Variants in PATJ observed in about 807,000 individuals in gnomAD.
PATJ encodes inaD-like protein.
In PATJ, 190 loss-of-function variants were observed where a neutral mutation model predicts 224.9. That is an observed-to-expected ratio of 0.84 (90% confidence interval 0.75 to 0.95). PATJ has a LOEUF of 0.95. PATJ is among the 40% of genes least tolerant of loss of function. The pLI, the probability that PATJ is intolerant of heterozygous loss-of-function variation, is 0.00. For missense variants in PATJ, 2,121 were observed against 2,270.3 expected (o/e 0.93, Z 1.34); for synonymous variants, 769 against 820.3 (o/e 0.94, Z 1.07).
intron 41 of PATJ, among the ~76,000 whole-genome samples, chr1:62,145,454 G>T (rs1017796399): frequency 6.6e-6 from 1 of 152,120 alleles, no homozygotes; most frequent in Admixed American, 6.5e-5. Context: ...TTGAGCCCAG[G>T]AGTTTAAGAC....
chr1:62,009,527 G>A (rs1646301267), intron 28 of PATJ, among the ~76,000 whole-genome samples: 1 of 152,180 alleles, frequency 6.6e-6, no homozygotes, highest in Non-Finnish European at 1.5e-5. Flanking sequence ...GTTGCTGACT[G>A]ATCAGGGTGG....
At chr1:62,149,917 TGAG>T (rs1339090824) in intron 42 of PATJ, among the ~76,000 whole-genome samples, 2 of 152,136 alleles carry the variant, frequency 1.3e-5, no homozygotes, top group African/African-American at 4.8e-5. Flanking sequence ...TGTTGCCAGT[TGAG>T]GAGTAGAGCC....
intron 22 of PATJ, 38 bp from the exon 23 acceptor site, chr1:61,899,545 C>T (rs1412622): frequency 0.66 from 963,999 of 1,455,662 alleles, 323,719 homozygotes; most frequent in Non-Finnish European, 0.69. Flanking sequence ...TGAGTATGCC[C>T]TAAAATTGTG....
intron 41 of PATJ, among the ~76,000 whole-genome samples, chr1:62,147,430 C>T (rs1434289176): frequency 1.3e-5 from 2 of 152,098 alleles, no homozygotes; most frequent in African/African-American, 2.4e-5. Context: ...GATATCGAGA[C>T]GGGCGGATCA....
intron 25 of PATJ, among the ~76,000 whole-genome samples, chr1:61,908,691 A>G (rs762844883): frequency 6.6e-6 from 1 of 152,090 alleles, no homozygotes; most frequent in African/African-American, 2.4e-5. Flanking sequence ...TACAGTGTGC[A>G]TTGGTTTAAG....
chr1:61,751,388 C>G (rs1645317655), intron 1 of PATJ, among the ~76,000 whole-genome samples: 1 of 152,082 alleles, frequency 6.6e-6, no homozygotes, highest in African/African-American at 2.4e-5. Flanking sequence ...GAGGTGGAAA[C>G]TAATCATTAG....
chr1:61,893,751 T>G (rs1194091169), intron 22 of PATJ, among the ~76,000 whole-genome samples: 5 of 144,012 alleles, frequency 3.5e-5, no homozygotes, highest in Non-Finnish European at 7.6e-5. Flanking sequence ...GGTAACAGAG[T>G]GGAACTCTGC....
chr1:61,809,141 C>G (rs1173943191), intron 14 of PATJ, among the ~76,000 whole-genome samples: 1 of 152,164 alleles, frequency 6.6e-6, no homozygotes, highest in Non-Finnish European at 1.5e-5. Flanking sequence ...CAGAAGACAA[C>G]TTCGACAGTT....
At chr1:61,809,246 C>T (rs910539459) in intron 14 of PATJ, among the ~76,000 whole-genome samples, 3 of 152,090 alleles carry the variant, frequency 2.0e-5, no homozygotes, top group Admixed American at 6.6e-5. Flanking sequence ...GCCTTGTAGG[C>T]GGCCTCCTCA....
At chr1:61,966,847 A>G (rs1682235844) in intron 27 of PATJ, among the ~76,000 whole-genome samples, 1 of 152,140 alleles carries the variant, frequency 6.6e-6, no homozygotes, top group Admixed American at 6.5e-5. Context: ...TAACTTCCTG[A>G]TGTTACCGTG....
chr1:61,908,267 G>T (rs1253323618), intron 24 of PATJ, 105 bp from the exon 25 acceptor site: 9 of 735,798 alleles, frequency 1.2e-5, no homozygotes, highest in Non-Finnish European at 2.1e-5. Context: ...CTACTCATTA[G>T]ACTCTGGTTG....
At chr1:62,060,398 G>A (rs1655229793) in intron 31 of PATJ, among the ~76,000 whole-genome samples, 1 of 151,962 alleles carries the variant, frequency 6.6e-6, no homozygotes, top group African/African-American at 2.4e-5. Flanking sequence ...ACAAGGTCTT[G>A]CTCTGTCACC....
At chr1:62,101,259 CTTTTTTTTTTTT>C (rs916854253) in intron 33 of PATJ, among the ~76,000 whole-genome samples, 1 of 122,608 alleles carries the variant, frequency 8.2e-6, no homozygotes, top group Non-Finnish European at 1.7e-5. Flanking sequence ...CTTTTCTTTT[CTTTTTTTTTTTT>C]TTTTTTTTCT....
Position 62,018,064 on chromosome 1 carries a change from A to G in PATJ, c.3959+117A>G, listed in dbSNP as rs1170386522. 4 of 584,200 alleles carry G rather than the reference A, an allele frequency of 6.8e-6. No individual in the cohort carries two copies. Among genetic ancestry groups the G allele is most frequent in the Non-Finnish European group, 1.3e-5 (4 of 314,082 alleles). 36.2% of individuals were successfully genotyped at this position (584,200 alleles called of 1,614,324 possible). A position where few individuals can be genotyped will look rare whatever the true frequency, so the allele number is the denominator to read the frequency against. ...AAATCACTGTTCCTTCTAAAAACAT[A>G]TATTCCTTTTGTAACTGTCACTTCA... On this transcript the variant is annotated intron_variant, in intron 29 of 43. Transcript: ENST00000642238. The surrounding 1 kb of genome is among the most constrained non-coding windows in gnomAD (Gnocchi z 4.2).
chr1:61,773,081 C>T (rs1239574266), intron 6 of PATJ, among the ~76,000 whole-genome samples: 1 of 152,032 alleles, frequency 6.6e-6, no homozygotes, highest in Non-Finnish European at 1.5e-5. Context: ...GACTGCAGGG[C>T]GTGATCTCGG....
rs548002539 is a variant in PATJ, at chr1:61,838,656, C to G, written c.2112+4871C>G. Among the ~76,000 whole-genome samples, 651 of 151,788 alleles carry G rather than the reference C, an allele frequency of 4.3e-3. 2 individuals are homozygous for G. The highest frequency in any genetic ancestry group is 7.2e-3 in the Non-Finnish European group (487 of 67,926). ...AAGTGCTGGGATTACAGGCGTGAGC[C>G]ACTGCGCCCGGCCGACTGAGTACTC... On this transcript the variant is annotated intron_variant, in intron 17 of 43. Transcript: ENST00000642238.
chr1:61,825,697 A>G (rs1184461294), intron 15 of PATJ, among the ~76,000 whole-genome samples: 2 of 152,200 alleles, frequency 1.3e-5, no homozygotes, highest in African/African-American at 4.8e-5. Flanking sequence ...GAGGAGGACT[A>G]CCAGGCACTG....
At chr1:61,801,867 T>C in intron 12 of PATJ, 98 bp downstream of exon 12, 1 of 829,070 alleles carries the variant, frequency 1.2e-6, no homozygotes, top group Non-Finnish European at 1.7e-6. Context: ...CTTAGAGGCA[T>C]TTTGGAGACA....
chr1:61,920,398 A>G (rs554896812), intron 26 of PATJ, among the ~76,000 whole-genome samples: 1 of 152,162 alleles, frequency 6.6e-6, no homozygotes, highest in East Asian at 1.9e-4. Context: ...TTCCCTGCAC[A>G]AGCTCTCTCT....
Sources: gnomAD v4.1 joint callset for allele counts (sites outside exome capture counted in the v4.1 genomes callset) on GRCh38, gnomAD v4.1.1 for gene constraint, Gnocchi (gnomAD v3.1) non-coding constraint, MANE v1.5 for transcripts, NCBI Gene and HGNC (gene_info 2026-07-23, HGNC 2026-07-21) for gene names.